Variants in COL4A5 observed in about 807,000 individuals in gnomAD.
The protein encoded by COL4A5 is collagen type IV alpha 5 chain.
COL4A5 carries 26 observed loss-of-function variants against 130.2 expected under a neutral mutation model. The ratio of observed to expected loss-of-function variants is 0.20; its 90% CI spans 0.15 to 0.28. COL4A5 has a LOEUF of 0.28. Among genes scored for constraint, COL4A5 ranks in the 10% least tolerant of loss-of-function variants. The probability of loss-of-function intolerance (pLI) is 1.00; values close to 1 mark genes in which losing one functional copy is unlikely to be tolerated. For synonymous variants in COL4A5, 496 were observed against 439.6 expected, an observed-to-expected ratio of 1.13 and a Z score of -1.60; for missense variants, 1,131 against 1,344.3, an observed-to-expected ratio of 0.84 and a Z score of 2.48.
At chrX:108,624,150 T>A in intron 33 of COL4A5, 86 bp from the exon 34 acceptor site, 2 of 712,201 alleles carry the variant, frequency 2.8e-6, no homozygotes, top group South Asian at 4.5e-5. Flanking sequence ...ACTTATAGTT[T>A]AACACTTGAG....
At chrX:108,507,628 G>A (rs778105156) in intron 1 of COL4A5, among the ~76,000 whole-genome samples, 1 of 111,444 alleles carries the variant, frequency 9.0e-6, no homozygotes, top group South Asian at 3.8e-4. Context: ...CTAACATGGT[G>A]AAACCCTGTC....
At chrX:108,523,373 G>A (rs914464373) in intron 1 of COL4A5, among the ~76,000 whole-genome samples, 2 of 111,314 alleles carry the variant, frequency 1.8e-5, no homozygotes, top group Admixed American at 9.6e-5. Flanking sequence ...AATGTCCTTG[G>A]CACCTTTGTC....
At chrX:108,573,236 T>C (rs960474390) in intron 8 of COL4A5, among the ~76,000 whole-genome samples, 2 of 111,072 alleles carry the variant, frequency 1.8e-5, no homozygotes, top group Non-Finnish European at 3.8e-5. Flanking sequence ...TTTCCCATTA[T>C]ATTGTTAGCT....
intron 1 of COL4A5, among the ~76,000 whole-genome samples, chrX:108,525,701 C>A (rs185628253): frequency 7.2e-4 from 80 of 110,697 alleles, no homozygotes; most frequent in African/African-American, 2.5e-3. Flanking sequence ...TAAATTATAA[C>A]CTATTAGAGT....
chrX:108,448,888 T>A lies in COL4A5; in HGVS notation c.81+8682T>A, dbSNP rs187140721. Reference sequence around the variant, plus strand: ...CTCTGCCTATCAACTTGCCCTCTAATATTAGTGCCCCTCATACTCTCAAGA... The same window carrying A: ...CTCTGCCTATCAACTTGCCCTCTAAAATTAGTGCCCCTCATACTCTCAAGA... On this transcript the variant is annotated intron_variant, in intron 1 of 52. Transcript: ENST00000328300. Among the ~76,000 whole-genome samples, 413 of 111,675 alleles carry A rather than the reference T, an allele frequency of 3.7e-3. 2 individuals carry two copies. The highest frequency in any genetic ancestry group is 0.013 in the African/African-American group (390 of 30,748).
In COL4A5 at chrX:108,559,140, C is replaced by T; in HGVS notation, c.218C>T (p.Pro73Leu). The change falls in exon 3 of 53, where the codon CCT becomes CTT. Residue 73 changes from proline (P) to leucine (L), a missense_variant. Transcript: ENST00000328300. The part of the protein sequence containing the change: ...GFPGPEGPPG[P>L]RGQKGDDGIP... ...CCAGGTCCAGAAGGGCCTCCGGGGC[C>T]TCGGGGACAAAAGGTATGTATCATG... 8.3e-7 allele frequency: 1 copy of T among 1,206,974 alleles called. No individual in the cohort carries two copies. Among genetic ancestry groups the T allele is most frequent in the Non-Finnish European group, 1.1e-6 (1 of 891,340 alleles).
intron 1 of COL4A5, among the ~76,000 whole-genome samples, chrX:108,499,437 G>T (rs1464956801): frequency 9.0e-6 from 1 of 110,973 alleles, no homozygotes; most frequent in African/African-American, 3.3e-5. Context: ...ACATTTTCTT[G>T]TAATTCATTT....
In COL4A5 at chrX:108,582,842, C is replaced by T. The variant is rs372825710; in HGVS notation, c.937-42C>T. 2.9e-4 allele frequency: 313 copies of T among 1,074,380 alleles called. No individual in the cohort carries two copies. The Middle Eastern group carries it at 4.4e-3, about 15-fold the overall frequency. The allele number at this position is 1,074,380 out of a possible 1,213,427, so 88.5% of individuals were successfully genotyped here. ...ACAATCTTTGGAGATTTCCTAACAC[C>T]ATCATTTGTGCTGATGTCACCCTAT... is the stretch of plus-strand genomic sequence containing the variant. On this transcript the variant is annotated intron_variant, in intron 16 of 52. Coordinates refer to ENST00000328300, the MANE Select transcript of COL4A5 (RefSeq NM_033380.3).
chrX:108,685,505 C>G (rs896647466), intron 47 of COL4A5, among the ~76,000 whole-genome samples: 23 of 112,293 alleles, frequency 2.0e-4, no homozygotes, highest in African/African-American at 7.4e-4. Context: ...AGATCTGGTG[C>G]TTTCTGTACA....
intron 1 of COL4A5, among the ~76,000 whole-genome samples, chrX:108,521,994 C>T (rs1261212530): frequency 9.0e-6 from 1 of 110,646 alleles, no homozygotes; most frequent in African/African-American, 3.3e-5. Context: ...CCTAGGAAAC[C>T]ATCAATCTAC....
intron 1 of COL4A5, among the ~76,000 whole-genome samples, chrX:108,502,955 G>C (rs1158548670): frequency 8.9e-6 from 1 of 112,097 alleles, no homozygotes; most frequent in East Asian, 2.8e-4. Flanking sequence ...AAATGTGTGG[G>C]TTTTCCCTCT....
Position 108,600,395 on chromosome X carries a change from G to A in COL4A5, c.1949-998G>A, listed in dbSNP as rs186621872. On this transcript the variant is annotated intron_variant, in intron 25 of 52. Transcript: ENST00000328300. Reference sequence around the variant, plus strand: ...TTAGTGCTTTTTGTGTCATGTTTAGGAAATCTTTTTTTTCTTGAGCCAATT... The same window carrying A: ...TTAGTGCTTTTTGTGTCATGTTTAGAAAATCTTTTTTTTCTTGAGCCAATT... Among the ~76,000 whole-genome samples the A allele has an allele frequency of 4.6e-3, 487 of 104,954 alleles. 2 individuals carry two copies. The highest frequency in any genetic ancestry group is 6.2e-3 in the Non-Finnish European group (329 of 52,990). The allele number at this position is 104,954 out of a possible 115,157, so 91.1% of individuals were successfully genotyped here.
intron 36 of COL4A5, among the ~76,000 whole-genome samples, chrX:108,650,814 AAT>A (rs1191917746): frequency 6.4e-5 from 7 of 110,161 alleles, no homozygotes; most frequent in African/African-American, 9.9e-5. Flanking sequence ...AAAGACTGCA[AAT>A]ACGGCACAGT....
At chrX:108,498,085 A>G (rs779391925) in intron 1 of COL4A5, among the ~76,000 whole-genome samples, 17 of 111,574 alleles carry the variant, frequency 1.5e-4, no homozygotes, top group Non-Finnish European at 2.8e-4. Context: ...TTCTATGCCA[A>G]GGTCACAAAG....
At chrX:108,574,004 TATATC>T (rs1323910138) in intron 9 of COL4A5, among the ~76,000 whole-genome samples, 1 of 111,503 alleles carries the variant, frequency 9.0e-6, no homozygotes. Context: ...TATATTAAGA[TATATC>T]ATTTGTAACA....
chrX:108,613,252 A>T lies in COL4A5; in HGVS notation c.2396-1659A>T, dbSNP rs1164559782. On this transcript the variant is annotated intron_variant, in intron 29 of 52. Coordinates refer to ENST00000328300, the MANE Select transcript of COL4A5 (RefSeq NM_033380.3). ...ATTTTAGTCTTTATGGGCTACATAT[A>T]TGGTCTCTGTCACATATTCTTTTTT... 7.1e-5 allele frequency among the ~76,000 whole-genome samples: 8 copies of T among 111,915 alleles called. No homozygotes were observed. The Admixed American group carries it at 7.6e-4, about 11-fold the overall frequency.
chrX:108,650,217 A>C (rs1199221238), intron 36 of COL4A5, among the ~76,000 whole-genome samples: 1 of 111,391 alleles, frequency 9.0e-6, no homozygotes, highest in Non-Finnish European at 1.9e-5. Context: ...TCAAAACCGC[A>C]ATGCAATACC....
At chrX:108,533,212 C>G (rs1219803336) in intron 1 of COL4A5, among the ~76,000 whole-genome samples, 1 of 111,194 alleles carries the variant, frequency 9.0e-6, no homozygotes, top group Non-Finnish European at 1.9e-5. Flanking sequence ...ATAGAGAACC[C>G]AGAAATAAAG....
intron 37 of COL4A5, among the ~76,000 whole-genome samples, chrX:108,658,172 C>T (rs1033711956): frequency 6.3e-5 from 7 of 110,975 alleles, no homozygotes; most frequent in East Asian, 2.8e-4. Context: ...AGAATGGATG[C>T]GAGTTTTATC....
Sources: gnomAD v4.1 joint callset for allele counts (sites outside exome capture counted in the v4.1 genomes callset) on GRCh38, gnomAD v4.1.1 for gene constraint, MANE v1.5 for transcripts, NCBI Gene and HGNC (gene_info 2026-07-23, HGNC 2026-07-21) for gene names.